KAT14: variants seen among roughly 807,000 people sequenced by gnomAD.
KAT14 encodes lysine acetyltransferase 14.
Under a neutral mutation model 78.4 loss-of-function variants are expected in KAT14, and 66 were observed. The ratio of observed to expected loss-of-function variants is 0.84; its 90% CI spans 0.69 to 1.03. The LOEUF (loss-of-function observed/expected upper bound fraction) is 1.03, where lower values mean the gene tolerates loss of function less well. Ranked by LOEUF, KAT14 falls within the 50% of genes least tolerant of loss-of-function variation. The pLI, the probability that KAT14 is intolerant of heterozygous loss-of-function variation, is 0.00. For missense variants in KAT14, 870 were observed against 972.5 expected, an observed-to-expected ratio of 0.89 and a Z score of 1.40; for synonymous variants, 344 against 359.4, an observed-to-expected ratio of 0.96 and a Z score of 0.48.
In KAT14 at chr20:18,142,207, G is replaced by A; in HGVS notation, c.-453-1G>A. On this transcript the variant is annotated splice_acceptor_variant, in intron 1 of 10. Transcript: ENST00000688188. LOFTEE classifies it low-confidence loss of function (5UTR_SPLICE). ...CTGAAATCTGTTTCTTACGTTTTTA[G>A]AGGCTTCGTGACGGAGTTATCAGAG... 1 of 1,536,514 alleles carries A rather than the reference G, an allele frequency of 6.5e-7. No homozygotes were observed. The highest frequency in any genetic ancestry group is 8.7e-7 in the Non-Finnish European group (1 of 1,146,494).
Position 18,137,903 on chromosome 20 carries a change from G to T in KAT14, c.-602G>T. 1 of 1,445,936 alleles carries T rather than the reference G, an allele frequency of 6.9e-7. No homozygotes were observed. Among genetic ancestry groups the T allele is most frequent in the South Asian group, 1.3e-5 (1 of 74,232 alleles). The allele number at this position is 1,445,936 out of a possible 1,614,324, so 89.6% of individuals were successfully genotyped here. A position where few individuals can be genotyped will look rare whatever the true frequency, so the allele number is the denominator to read the frequency against. ...AGGCGGCGGTGCGCACTCTGCGGCG[G>T]CCTCTGCGCCTCGGGCGGGCGGGAG... On this transcript the variant is annotated 5_prime_UTR_variant, in exon 1 of 11. Coordinates refer to ENST00000688188, the MANE Select transcript of KAT14 (RefSeq NM_001392073.1).
At chr20:18,184,379 T>G (rs1416481734) in intron 9 of KAT14, among the ~76,000 whole-genome samples, 1 of 152,156 alleles carries the variant, frequency 6.6e-6, no homozygotes, top group Non-Finnish European at 1.5e-5. Flanking sequence ...TACCCTATTC[T>G]GCCACTCTTC....
rs79073232 is a variant in KAT14 at position 18,163,891 on chromosome 20, G to A, written c.1668+946G>A. ...TAGAACTCCCCATTATTTGGATATT[G>A]GACCCTGTAGATTAAAAGTTGGCAA... On this transcript the variant is annotated intron_variant, in intron 7 of 10. Coordinates refer to ENST00000688188, the MANE Select transcript of KAT14 (RefSeq NM_001392073.1). Among the ~76,000 whole-genome samples, 738 of 152,146 alleles carry A rather than the reference G, an allele frequency of 4.9e-3. 8 individuals are homozygous for A. Among genetic ancestry groups the A allele is most frequent in the African/African-American group, 0.016 (679 of 41,506 alleles).
At position 18,162,145 on chromosome 20, in the gene KAT14, C is replaced by T; in HGVS notation, c.1005C>T (p.Ala335=). ...PSPSPSLDFS[A]PGTPASHSAT... ...CTTCTCCTTCTCTGGATTTCTCTGC[C>T]CCTGGTACACCTGCCTCTCATTCTG... is the stretch of plus-strand genomic sequence containing the variant. The change falls in exon 6 of 11, where the codon GCC becomes GCT. Residue 335 remains alanine (A), a synonymous_variant. Transcript: ENST00000688188. 1 of 1,614,220 alleles carries T rather than the reference C, an allele frequency of 6.2e-7. No homozygotes were observed. The highest frequency in any genetic ancestry group is 8.5e-7 in the Non-Finnish European group (1 of 1,180,044).
chr20:18,160,619 T>A (rs1039997215), intron 5 of KAT14, among the ~76,000 whole-genome samples: 8 of 152,232 alleles, frequency 5.3e-5, no homozygotes, highest in Admixed American at 4.6e-4. Context: ...AAAACATTTT[T>A]AAAAAGTAAT....
Position 18,142,719 on chromosome 20 carries a change from G to A in KAT14, c.59G>A (p.Arg20Lys). The A allele has an allele frequency of 6.2e-7, 1 of 1,614,212 alleles. No individual in the cohort carries two copies. The highest frequency in any genetic ancestry group is 8.5e-7 in the Non-Finnish European group (1 of 1,180,048). The change falls in exon 2 of 11, where the codon AGA becomes AAA. Residue 20 changes from arginine to lysine, a missense_variant. Coordinates refer to ENST00000688188, the MANE Select transcript of KAT14 (RefSeq NM_001392073.1). ...LISRHDDEAT[R>K]TSTSEGLEEG... Reference sequence around the variant, plus strand: ...AGTCGGCATGATGACGAAGCCACGAGAACATCGACCTCAGAAGGACTGGAG... The same window carrying A: ...AGTCGGCATGATGACGAAGCCACGAAAACATCGACCTCAGAAGGACTGGAG...
chr20:18,138,399 G>T (rs2037384077), intron 1 of KAT14: 1 of 1,038,590 alleles, frequency 9.6e-7, no homozygotes, highest in Admixed American at 5.7e-5. Flanking sequence ...CGGCCCGCAG[G>T]GTGCGGACCT....
chr20:18,162,556 A>AGT lies in KAT14; in HGVS notation c.1281_1282dup (p.Glu428ValfsTer36). The AGT allele has an allele frequency of 6.2e-7, 1 of 1,614,208 alleles. No homozygotes were observed. Among genetic ancestry groups the AGT allele is most frequent in the Non-Finnish European group, 8.5e-7 (1 of 1,180,042 alleles). On this transcript the variant is annotated frameshift_variant, in exon 7 of 11. Transcript: ENST00000688188. LOFTEE classifies it high-confidence loss of function. ...AAAACCCGACAGGATGGATATTGAC[A>AGT]GTGAAGACACAGATTCAAACACATC...
At chr20:18,155,371 C>G (rs561610634) in intron 4 of KAT14, among the ~76,000 whole-genome samples, 2 of 151,974 alleles carry the variant, frequency 1.3e-5, no homozygotes, top group Non-Finnish European at 2.9e-5. Context: ...GCTACCCATC[C>G]CCCTTCTCCA....
At chr20:18,183,096 ATTTG>A (rs1306500848) in intron 8 of KAT14, 23 bp from the exon 9 acceptor site, 4 of 1,580,568 alleles carry the variant, frequency 2.5e-6, no homozygotes, top group African/African-American at 1.4e-5. Flanking sequence ...CTTGACTTGA[ATTTG>A]TTTATCTTCT....
At chr20:18,176,300 CAAA>C (rs11484238) in intron 7 of KAT14, among the ~76,000 whole-genome samples, 1 of 111,658 alleles carries the variant, frequency 9.0e-6, no homozygotes. Context: ...GACTTCGTCT[CAAA>C]AAAAAAAAAA....
intron 8 of KAT14, 55 bp from the exon 9 acceptor site, chr20:18,183,068 A>G: frequency 6.4e-7 from 1 of 1,558,046 alleles, no homozygotes; most frequent in Non-Finnish European, 8.7e-7. Flanking sequence ...AAAGCTAGGA[A>G]TAATACCAGG....
intron 1 of KAT14, among the ~76,000 whole-genome samples, chr20:18,139,369 A>G (rs941206943): frequency 6.6e-6 from 1 of 152,156 alleles, no homozygotes; most frequent in Non-Finnish European, 1.5e-5. Context: ...CAGTGAAGTG[A>G]TGTTTGAAGG....
intron 7 of KAT14, among the ~76,000 whole-genome samples, chr20:18,170,759 G>A (rs768089938): frequency 3.2e-4 from 49 of 152,198 alleles, no homozygotes; most frequent in Non-Finnish European, 5.9e-4. Flanking sequence ...GGAGGGCCTC[G>A]ATCTCCTGAC....
intron 3 of KAT14, among the ~76,000 whole-genome samples, chr20:18,148,565 G>T (rs1251054430): frequency 6.6e-6 from 1 of 151,792 alleles, no homozygotes; most frequent in Non-Finnish European, 1.5e-5. Context: ...GATGAGCTTG[G>T]TCTGGTAACA....
intron 6 of KAT14, 36 bp downstream of exon 6, chr20:18,162,275 T>A: frequency 1.1e-5 from 18 of 1,612,718 alleles, no homozygotes; most frequent in Non-Finnish European, 1.5e-5. Context: ...TTATTTTGGG[T>A]ATGGGCCATG....
intron 10 of KAT14, among the ~76,000 whole-genome samples, chr20:18,186,805 A>G (rs571803098): frequency 1.3e-5 from 2 of 152,372 alleles, no homozygotes; most frequent in East Asian, 1.9e-4. Flanking sequence ...CTCAGGTTTT[A>G]TAATTACATT....
Position 18,162,180 on chromosome 20 carries a change from G to T in KAT14, c.1040G>T (p.Ser347Ile). 13 of 1,614,150 alleles carry T rather than the reference G, an allele frequency of 8.1e-6. No individual in the cohort carries two copies. The highest frequency in any genetic ancestry group is 1.1e-5 in the Non-Finnish European group (13 of 1,180,036). Residue 347 changes from serine (S) to isoleucine (I), a missense_variant, in exon 6 of 11, where the codon AGC becomes ATC. Physicochemically the swap from Ser to Ile is moderately radical, Grantham distance 142. Coordinates refer to ENST00000688188, the MANE Select transcript of KAT14 (RefSeq NM_001392073.1). The part of the protein sequence containing the change: ...GTPASHSATP[S>I]LLSEADLIPD... The stretch of plus-strand genomic sequence containing the variant: ...CCTGCCTCTCATTCTGCCACACCTA[G>T]CTTGCTTTCAGAAGCAGATCTGATT...
At chr20:18,186,151 G>GC (rs1274688877) in intron 10 of KAT14, among the ~76,000 whole-genome samples, 1 of 152,072 alleles carries the variant, frequency 6.6e-6, no homozygotes, top group Non-Finnish European at 1.5e-5. Flanking sequence ...CCAACATGAG[G>GC]GCTGGTACAG....
Sources: gnomAD v4.1 joint callset for allele counts (sites outside exome capture counted in the v4.1 genomes callset) on GRCh38, gnomAD v4.1.1 for gene constraint, MANE v1.5 for transcripts, NCBI Gene and HGNC (gene_info 2026-07-23, HGNC 2026-07-21) for gene names.